Variants in DMD observed in about 807,000 individuals in gnomAD.
DMD encodes the protein mutant dystrophin.
In DMD, 63 loss-of-function variants were observed where a neutral mutation model predicts 330.1. The observed-to-expected ratio is 0.19, with a 90% CI of 0.16 to 0.24. DMD has a LOEUF of 0.24. Ranked by LOEUF, DMD falls within the 10% of genes least tolerant of loss-of-function variation. The pLI is 1.00. For synonymous variants in DMD, 1,223 were observed against 959.8 expected (o/e 1.27, Z -5.07); for missense variants, 3,344 against 2,684.1 (o/e 1.25, Z -5.43).
intron 16 of DMD, among the ~76,000 whole-genome samples, chrX:32,557,154 G>C (rs2050391920): frequency 9.0e-6 from 1 of 111,379 alleles, no homozygotes; most frequent in South Asian, 3.8e-4. Context: ...AAGTGACCTT[G>C]TTGAGGCAGA....
rs17338423 is a variant in DMD at position 31,261,154 on chromosome X, T to C, written c.9225-138A>G. On this transcript the variant is annotated intron_variant, in intron 62 of 78. Coordinates refer to ENST00000357033, the MANE Select transcript of DMD (RefSeq NM_004006.3). ...GAATCTTTATTTCAAAGCGCTTCCATAGTGTATTGAAGAAATGTTTATCTT... is the reference window on the plus strand; with the variant it reads ...GAATCTTTATTTCAAAGCGCTTCCACAGTGTATTGAAGAAATGTTTATCTT... 92,195 of 515,832 alleles carry C rather than the reference T, an allele frequency of 0.18. 6,440 individuals carry two copies. The highest frequency in any genetic ancestry group is 0.39 in the East Asian group (10,247 of 26,533). The allele number at this position is 515,832 out of a possible 1,213,427, so 42.5% of individuals were successfully genotyped here. A position where few individuals can be genotyped will look rare whatever the true frequency, so the allele number is the denominator to read the frequency against.
intron 11 of DMD, among the ~76,000 whole-genome samples, chrX:32,639,713 G>C (rs770687385): frequency 8.9e-6 from 1 of 111,994 alleles, no homozygotes; most frequent in African/African-American, 3.2e-5. Context: ...GGAAGTATCT[G>C]TATGGTTATC....
At chrX:31,471,715 T>C (rs748285982) in intron 59 of DMD, among the ~76,000 whole-genome samples, 2 of 112,590 alleles carry the variant, frequency 1.8e-5, no homozygotes, top group Non-Finnish European at 3.7e-5. Flanking sequence ...AATCAATATA[T>C]ATGAATTCAC....
intron 7 of DMD, among the ~76,000 whole-genome samples, chrX:32,783,210 A>G (rs1199591072): frequency 2.0e-5 from 2 of 99,544 alleles, no homozygotes; most frequent in Non-Finnish European, 4.1e-5. Context: ...ATATACACAT[A>G]TGTGTATATA....
At chrX:31,272,177 T>G (rs2147803852) in intron 62 of DMD, among the ~76,000 whole-genome samples, 1 of 111,788 alleles carries the variant, frequency 8.9e-6, no homozygotes, top group Admixed American at 9.5e-5. Context: ...TTAATAAGAT[T>G]TCTCAAAGCT....
At chrX:32,383,735 A>C (rs189889175) in intron 33 of DMD, among the ~76,000 whole-genome samples, 1,443 of 110,856 alleles carry the variant, frequency 0.013, 17 homozygotes, top group Middle Eastern at 0.024. Flanking sequence ...AAGCTCTCAG[A>C]TATGTATTTT....
Position 31,660,799 on chromosome X carries a change from G to A in DMD, c.7873-2655C>T, listed in dbSNP as rs184839488. ...TCACTCATAGGTTCCTGTTTGAAAAGTCTAGATATAAGAGGTTATACCATT... is the reference window on the plus strand; with the variant it reads ...TCACTCATAGGTTCCTGTTTGAAAAATCTAGATATAAGAGGTTATACCATT... On this transcript the variant is annotated intron_variant, in intron 53 of 78. Coordinates refer to ENST00000357033, the MANE Select transcript of DMD (RefSeq NM_004006.3). 7.9e-3 allele frequency among the ~76,000 whole-genome samples: 878 copies of A among 111,534 alleles called. 12 individuals carry two copies. Among genetic ancestry groups the A allele is most frequent in the African/African-American group, 0.027 (822 of 30,714 alleles).
At chrX:31,629,088 T>C (rs1033728557) in intron 54 of DMD, among the ~76,000 whole-genome samples, 5 of 110,948 alleles carry the variant, frequency 4.5e-5, no homozygotes, top group African/African-American at 1.6e-4. Context: ...AAATTAGTAC[T>C]CTATTTAAAT....
intron 62 of DMD, among the ~76,000 whole-genome samples, chrX:31,290,569 T>C (rs947329779): frequency 8.9e-6 from 1 of 111,785 alleles, no homozygotes; most frequent in East Asian, 2.8e-4. Context: ...TCATGGTCCC[T>C]ACCTGCCTAG....
intron 1 of DMD, among the ~76,000 whole-genome samples, chrX:33,222,500 C>T (rs781358964): frequency 8.0e-5 from 9 of 112,438 alleles, no homozygotes; most frequent in African/African-American, 1.9e-4. Flanking sequence ...TGAATGCACA[C>T]GCTCACCACT....
chrX:32,260,661 T>G (rs924705261), intron 43 of DMD, among the ~76,000 whole-genome samples: 2 of 111,109 alleles, frequency 1.8e-5, no homozygotes, highest in African/African-American at 6.5e-5. Flanking sequence ...TTCCCTGGAG[T>G]TCCTGACTCT....
chrX:31,936,271 G>C (rs1382822345), intron 45 of DMD, among the ~76,000 whole-genome samples: 1 of 111,175 alleles, frequency 9.0e-6, no homozygotes, highest in Admixed American at 9.6e-5. Flanking sequence ...TTAACAATGG[G>C]AATCCTAAGG....
At chrX:33,116,777 A>G (rs1344138908) in intron 1 of DMD, among the ~76,000 whole-genome samples, 10 of 111,562 alleles carry the variant, frequency 9.0e-5, no homozygotes. Flanking sequence ...CGATGGAGGA[A>G]AAAGATTCCA....
chrX:32,293,350 T>C (rs759057365), intron 42 of DMD, among the ~76,000 whole-genome samples: 5 of 111,550 alleles, frequency 4.5e-5, no homozygotes, highest in South Asian at 3.8e-4. Context: ...GATGAACCTA[T>C]GTGGAAAGCA....
chrX:31,613,777 G>A (rs916515054), intron 55 of DMD, among the ~76,000 whole-genome samples: 1 of 110,797 alleles, frequency 9.0e-6, no homozygotes, highest in Non-Finnish European at 1.9e-5. Context: ...CCTCTTTTGG[G>A]GTAGTTCCAT....
At chrX:32,437,560 A>G (rs151333927) in intron 29 of DMD, among the ~76,000 whole-genome samples, 2,178 of 111,766 alleles carry the variant, frequency 0.019, 58 homozygotes, top group African/African-American at 0.067. Flanking sequence ...TAACTAACCA[A>G]TGTTTTTAAG....
At chrX:32,601,315 T>C (rs2149290877) in intron 12 of DMD, among the ~76,000 whole-genome samples, 1 of 112,179 alleles carries the variant, frequency 8.9e-6, no homozygotes, top group African/African-American at 3.2e-5. Flanking sequence ...AAGCTTTTGA[T>C]ATTCACTTAC....
chrX:31,693,642 C>T (rs998746587), intron 52 of DMD, among the ~76,000 whole-genome samples: 9 of 111,083 alleles, frequency 8.1e-5, no homozygotes, highest in Non-Finnish European at 1.5e-4. Flanking sequence ...ACAATAACAA[C>T]AAACTGTCTA....
chrX:32,881,973 T>C lies in DMD; in HGVS notation c.94-32153A>G, dbSNP rs113393647. Among the ~76,000 whole-genome samples, 495 of 112,537 alleles carry C rather than the reference T, an allele frequency of 4.4e-3. 8 individuals carry two copies. In the East Asian group the frequency reaches 0.066, roughly 15 times the overall value. On this transcript the variant is annotated intron_variant, in intron 2 of 78. Transcript: ENST00000357033. ...TCACACTAGCTTCCCATGCACTTAC[T>C]GTCCTTATTAGCAGTTCCCTAGACG...
Sources: allele counts gnomAD v4.1 joint callset (sites outside exome capture counted in the v4.1 genomes callset), GRCh38; gene constraint gnomAD v4.1.1; transcripts MANE v1.5; gene names NCBI Gene and HGNC (gene_info 2026-07-23, HGNC 2026-07-21).